EPHA3: variants seen among roughly 807,000 people sequenced by gnomAD.
The protein encoded by EPHA3 is ephrin type-A receptor 3.
Under a neutral mutation model 107.1 loss-of-function variants are expected in EPHA3, and 42 were observed. The observed-to-expected ratio is 0.39, with a 90% CI of 0.31 to 0.51. The LOEUF (loss-of-function observed/expected upper bound fraction) is 0.51, where lower values mean the gene tolerates loss of function less well. Ranked by LOEUF, EPHA3 falls within the 20% of genes least tolerant of loss-of-function variation. The pLI, the probability that EPHA3 is intolerant of heterozygous loss-of-function variation, is 0.78. For missense variants in EPHA3, 1,183 were observed against 1,211.2 expected, an observed-to-expected ratio of 0.98 and a Z score of 0.35; for synonymous variants, 461 against 424.8, an observed-to-expected ratio of 1.09 and a Z score of -1.05.
intron 2 of EPHA3, among the ~76,000 whole-genome samples, chr3:89,204,862 A>C (rs1320234365): frequency 1.3e-5 from 2 of 152,138 alleles, no homozygotes; most frequent in Non-Finnish European, 2.9e-5. Flanking sequence ...TAAACATAAG[A>C]ATAAAAAACG....
chr3:89,250,641 C>T (rs902368117), intron 3 of EPHA3, among the ~76,000 whole-genome samples: 2 of 152,152 alleles, frequency 1.3e-5, no homozygotes, highest in African/African-American at 4.8e-5. Flanking sequence ...CTGGAAATGC[C>T]TGAGTTCAAC....
chr3:89,368,439 C>T (rs1708224878), intron 5 of EPHA3, among the ~76,000 whole-genome samples: 1 of 150,330 alleles, frequency 6.7e-6, no homozygotes, highest in Non-Finnish European at 1.5e-5. Context: ...GAAAGTTCCA[C>T]AATCTGTTGC....
intron 2 of EPHA3, among the ~76,000 whole-genome samples, chr3:89,169,781 A>T (rs1705168009): frequency 6.6e-6 from 1 of 152,146 alleles, no homozygotes; most frequent in Non-Finnish European, 1.5e-5. Flanking sequence ...TTTTACTGGG[A>T]TGTATGTAAA....
chr3:89,236,268 A>G (rs554475691), intron 3 of EPHA3, among the ~76,000 whole-genome samples: 158 of 152,148 alleles, frequency 1.0e-3, no homozygotes, highest in Middle Eastern at 0.01. Flanking sequence ...TTAGCAAGGT[A>G]TATTTTCATA....
chr3:89,457,294 C>T (rs1427697362), intron 15 of EPHA3, among the ~76,000 whole-genome samples: 1 of 152,178 alleles, frequency 6.6e-6, no homozygotes, highest in Non-Finnish European at 1.5e-5. Flanking sequence ...GGATCCTCAG[C>T]CCCCGTGCCA....
chr3:89,211,725 TTTCTTCTTCTTC>T (rs1704091560), intron 3 of EPHA3, among the ~76,000 whole-genome samples: 1 of 112,098 alleles, frequency 8.9e-6, no homozygotes, highest in Non-Finnish European at 1.8e-5. Context: ...TCTTCTTCTT[TTTCTTCTTCTTC>T]TTCTCCTTCT....
chr3:89,350,363 C>G (rs1424881614), intron 5 of EPHA3, among the ~76,000 whole-genome samples: 1 of 151,284 alleles, frequency 6.6e-6, no homozygotes, highest in Non-Finnish European at 1.5e-5. Context: ...TCATTTCATT[C>G]ATTTCATCTT....
intron 2 of EPHA3, among the ~76,000 whole-genome samples, chr3:89,137,032 T>A (rs992392718): frequency 6.6e-6 from 1 of 151,908 alleles, no homozygotes; most frequent in Non-Finnish European, 1.5e-5. Context: ...AAAATAAAAG[T>A]GACCAAAAAT....
chr3:89,447,508 A>C lies in EPHA3; in HGVS notation c.2347-1717A>C, dbSNP rs184655123. ...TGCTCAGTTTTACTGAGTTAGTTCC[A>C]ATCTTATCACTCTCCTAGCCAGGAT... On this transcript the variant is annotated intron_variant, in intron 13 of 16. Coordinates refer to ENST00000336596, the MANE Select transcript of EPHA3 (RefSeq NM_005233.6). 2.6e-5 allele frequency among the ~76,000 whole-genome samples: 4 copies of C among 152,236 alleles called. No homozygotes were observed. The East Asian group carries it at 7.7e-4, about 29-fold the overall frequency.
chr3:89,324,500 A>AT (rs912612862), intron 3 of EPHA3, among the ~76,000 whole-genome samples: 7 of 149,124 alleles, frequency 4.7e-5, no homozygotes, highest in South Asian at 2.1e-4. Flanking sequence ...TTATTTTTTT[A>AT]TTTTTTTTAT....
intron 2 of EPHA3, among the ~76,000 whole-genome samples, chr3:89,186,096 T>C (rs1473989937): frequency 1.3e-5 from 2 of 151,862 alleles, no homozygotes; most frequent in Non-Finnish European, 2.9e-5. Context: ...CATCAAGTGG[T>C]ACATGTCTAC....
rs925330811 is a variant in EPHA3 at position 89,431,238 on chromosome 3, A to T, written c.2225A>T (p.Tyr742Phe). ...ATGAAGTACCTGTCAGACATGGGCTATGTTCACCGAGACCTCGCTGCTCGG... is the reference window on the plus strand; with the variant it reads ...ATGAAGTACCTGTCAGACATGGGCTTTGTTCACCGAGACCTCGCTGCTCGG... ...SGMKYLSDMG[Y>F]VHRDLAARNI... The change falls in exon 13 of 17, where the codon TAT becomes TTT. Residue 742 changes from tyrosine to phenylalanine, a missense_variant. Tyr to Phe is a conservative substitution (Grantham distance 22). Coordinates refer to ENST00000336596, the MANE Select transcript of EPHA3 (RefSeq NM_005233.6). 73 of 1,613,742 alleles carry T rather than the reference A, an allele frequency of 4.5e-5. No homozygotes were observed. Among genetic ancestry groups the T allele is most frequent in the Non-Finnish European group, 5.7e-5 (67 of 1,179,946 alleles).
At chr3:89,451,090 CT>C (rs1454461600) in intron 15 of EPHA3, among the ~76,000 whole-genome samples, 1 of 152,184 alleles carries the variant, frequency 6.6e-6, no homozygotes, top group Non-Finnish European at 1.5e-5. Context: ...GTATCAATTA[CT>C]TTGCTAGACA....
At chr3:89,194,545 G>A (rs1290960212) in intron 2 of EPHA3, among the ~76,000 whole-genome samples, 1 of 152,028 alleles carries the variant, frequency 6.6e-6, no homozygotes, top group African/African-American at 2.4e-5. Flanking sequence ...ATCTCCTATA[G>A]AATCTATTGA....
At chr3:89,221,141 C>G (rs558133094) in intron 3 of EPHA3, among the ~76,000 whole-genome samples, 1 of 151,986 alleles carries the variant, frequency 6.6e-6, no homozygotes. Context: ...GCTGAGGTAC[C>G]TGAAGCTCAT....
intron 13 of EPHA3, among the ~76,000 whole-genome samples, chr3:89,446,994 A>T (rs1175798260): frequency 6.6e-6 from 1 of 152,118 alleles, no homozygotes; most frequent in Non-Finnish European, 1.5e-5. Context: ...CTGAGTTCTT[A>T]AGAAGGAGAA....
At chr3:89,203,607 A>G (rs1488093006) in intron 2 of EPHA3, among the ~76,000 whole-genome samples, 2 of 151,688 alleles carry the variant, frequency 1.3e-5, no homozygotes, top group Non-Finnish European at 2.9e-5. Flanking sequence ...CCCCGTCTCT[A>G]CTAAAAAAAA....
At chr3:89,232,511 G>A (rs1282108918) in intron 3 of EPHA3, among the ~76,000 whole-genome samples, 2 of 152,108 alleles carry the variant, frequency 1.3e-5, no homozygotes, top group Non-Finnish European at 2.9e-5. Context: ...TAGCATGCTT[G>A]CTATACATAG....
intron 2 of EPHA3, among the ~76,000 whole-genome samples, chr3:89,179,011 A>C (rs1456039490): frequency 1.3e-5 from 2 of 151,890 alleles, no homozygotes; most frequent in Admixed American, 1.3e-4. Flanking sequence ...TCTAAAAGCA[A>C]AATGGTACAA....
Sources: allele counts gnomAD v4.1 joint callset (sites outside exome capture counted in the v4.1 genomes callset), GRCh38; gene constraint gnomAD v4.1.1; transcripts MANE v1.5; gene names NCBI Gene and HGNC (gene_info 2026-07-23, HGNC 2026-07-21).